The following CSMD1 variants were observed in gnomAD, a reference collection of about 807,000 sequenced individuals.
The protein encoded by CSMD1 is CUB and sushi domain-containing protein 1.
Under a neutral mutation model 417.5 loss-of-function variants are expected in CSMD1, and 213 were observed. The observed-to-expected ratio is 0.51, with a 90% CI of 0.46 to 0.57. The LOEUF (loss-of-function observed/expected upper bound fraction) is 0.57. CSMD1 is among the 20% of genes least tolerant of loss of function. The pLI, the probability that CSMD1 is intolerant of heterozygous loss-of-function variation, is 0.00. For missense variants in CSMD1, 6,923 were observed against 4,529.7 expected, an observed-to-expected ratio of 1.53 and a Z score of -15.17; for synonymous variants, 2,862 against 1,736.8, an observed-to-expected ratio of 1.65 and a Z score of -16.11.
chr8:4,166,779 C>T lies in CSMD1; in HGVS notation c.416-134680G>A, dbSNP rs137989462. 1.3e-3 allele frequency among the ~76,000 whole-genome samples: 200 copies of T among 152,258 alleles called. 2 individuals carry two copies. The highest frequency in any genetic ancestry group is 3.4e-3 in the Middle Eastern group (1 of 294). Reference sequence around the variant, plus strand: ...AGCATAAAAAAAGCAAAATGTAGCCCTACCAAAATGATCAGGGTGTGTTTA... The same window carrying T: ...AGCATAAAAAAAGCAAAATGTAGCCTTACCAAAATGATCAGGGTGTGTTTA... On this transcript the variant is annotated intron_variant, in intron 3 of 69. Transcript: ENST00000635120.
At chr8:3,719,490 C>T (rs1179980713) in intron 6 of CSMD1, among the ~76,000 whole-genome samples, 1 of 152,190 alleles carries the variant, frequency 6.6e-6, no homozygotes, top group South Asian at 2.1e-4. Flanking sequence ...GAACAAAGTT[C>T]CCATTTTCCC....
chr8:4,738,409 A>T (rs6992062), intron 1 of CSMD1, among the ~76,000 whole-genome samples: 4,564 of 152,248 alleles, frequency 0.03, 163 homozygotes, highest in African/African-American at 0.079. Flanking sequence ...TGGCAGAAGG[A>T]GAAGGGCTGA....
intron 2 of CSMD1, among the ~76,000 whole-genome samples, chr8:4,425,402 G>C (rs1365303598): frequency 1.3e-5 from 2 of 149,484 alleles, no homozygotes; most frequent in African/African-American, 2.5e-5. Context: ...AAAAAATAGA[G>C]TCCAACATTA....
At chr8:3,433,363 A>G (rs1437351909) in intron 12 of CSMD1, among the ~76,000 whole-genome samples, 2 of 152,196 alleles carry the variant, frequency 1.3e-5, no homozygotes, top group Non-Finnish European at 2.9e-5. Context: ...TTTCAATGAG[A>G]ATCCCTTCTG....
At chr8:4,397,881 T>A (rs771916826) in intron 3 of CSMD1, among the ~76,000 whole-genome samples, 1 of 152,158 alleles carries the variant, frequency 6.6e-6, no homozygotes, top group Non-Finnish European at 1.5e-5. Context: ...TTTCTTCCAA[T>A]GTTCTAATGG....
intron 8 of CSMD1, among the ~76,000 whole-genome samples, chr8:3,597,594 C>G (rs1801154788): frequency 6.6e-6 from 1 of 152,158 alleles, no homozygotes; most frequent in African/African-American, 2.4e-5. Context: ...TCTTACAACT[C>G]TGAACACAGT....
intron 3 of CSMD1, among the ~76,000 whole-genome samples, chr8:4,164,291 A>T (rs1797331601): frequency 6.6e-6 from 1 of 152,180 alleles, no homozygotes; most frequent in Non-Finnish European, 1.5e-5. Flanking sequence ...AATGGATACA[A>T]ATGATAAATA....
intron 2 of CSMD1, among the ~76,000 whole-genome samples, chr8:4,442,709 T>G (rs574559946): frequency 6.6e-6 from 1 of 152,172 alleles, no homozygotes. Context: ...TTCCCCGAAA[T>G]GTGTATTTGT....
chr8:4,111,962 TTACA>T (rs1801879920), intron 3 of CSMD1, among the ~76,000 whole-genome samples: 1 of 151,694 alleles, frequency 6.6e-6, no homozygotes, highest in Non-Finnish European at 1.5e-5. Flanking sequence ...CTCTGTAATT[TTACA>T]TACATAGTTT....
At chr8:3,400,024 G>A (rs985648703) in intron 15 of CSMD1, among the ~76,000 whole-genome samples, 2 of 152,142 alleles carry the variant, frequency 1.3e-5, no homozygotes, top group Admixed American at 1.3e-4. Context: ...TTATTTGTGA[G>A]TGTGAAACAA....
chr8:4,527,669 CAG>C lies in CSMD1; in HGVS notation c.303-107606_303-107605del, dbSNP rs1349406266. Among the ~76,000 whole-genome samples the C allele has an allele frequency of 2.0e-5, 3 of 152,256 alleles. No individual in the cohort carries two copies. In the East Asian group the frequency reaches 5.8e-4, roughly 29 times the overall value. On this transcript the variant is annotated intron_variant, in intron 2 of 69. Transcript: ENST00000635120. ...AAATTTGAATACTGAAAGTACATAG[CAG>C]AGAGTGGAACTTTATACAGTACATT...
chr8:4,354,865 AGTGTGTGTGT>A (rs59255397), intron 3 of CSMD1, among the ~76,000 whole-genome samples: 1,532 of 129,492 alleles, frequency 0.012, 12 homozygotes, highest in Middle Eastern at 0.033. Flanking sequence ...AGGAAAATGT[AGTGTGTGTGT>A]GTGTGTGTGT....
Position 3,181,204 on chromosome 8 carries a change from T to C in CSMD1, c.5631A>G (p.Val1877=), listed in dbSNP as rs1220296498. The change falls in exon 37 of 70, where the codon GTA becomes GTG. Residue 1877 remains valine, a synonymous_variant. Coordinates refer to ENST00000635120, the MANE Select transcript of CSMD1 (RefSeq NM_033225.6). ...PRLGSFSGTT[V]PALLNSTSNQ... ...TGGAAGTACTGTTCAGCAGTGCCGG[T>C]ACTGTGGTGCCTGTAAGAAACAATG... is the stretch of plus-strand genomic sequence containing the variant. The C allele has an allele frequency of 1.2e-6, 2 of 1,612,634 alleles. No individual in the cohort carries two copies. The highest frequency in any genetic ancestry group is 2.2e-5 in the East Asian group (1 of 44,868).
At position 4,320,359 on chromosome 8, in the gene CSMD1, T is replaced by C. The variant is rs11986827; in HGVS notation, c.415+99594A>G. ...CCACAAGTCATCACACAAATAAACC[T>C]TTTTTATTATTATTATACTTTAAGT... On this transcript the variant is annotated intron_variant, in intron 3 of 69. Coordinates refer to ENST00000635120, the MANE Select transcript of CSMD1 (RefSeq NM_033225.6). Among the ~76,000 whole-genome samples, 621 of 151,810 alleles carry C rather than the reference T, an allele frequency of 4.1e-3. 5 individuals carry two copies. The highest frequency in any genetic ancestry group is 0.014 in the African/African-American group (569 of 41,520).
chr8:2,958,567 T>A (rs563369983), intron 62 of CSMD1, among the ~76,000 whole-genome samples: 1 of 152,210 alleles, frequency 6.6e-6, no homozygotes, highest in Non-Finnish European at 1.5e-5. Flanking sequence ...GAATGAGCTA[T>A]GGTCGTGTGT....
intron 25 of CSMD1, among the ~76,000 whole-genome samples, chr8:3,297,136 A>G (rs947855869): frequency 1.3e-5 from 2 of 152,190 alleles, no homozygotes; most frequent in African/African-American, 4.8e-5. Flanking sequence ...CAGGACTTTC[A>G]CCCAGAAAAC....
chr8:3,774,008 C>T (rs1798762934), intron 5 of CSMD1, among the ~76,000 whole-genome samples: 1 of 152,162 alleles, frequency 6.6e-6, no homozygotes, highest in Non-Finnish European at 1.5e-5. Context: ...TTTACTTACA[C>T]AGTTGCTGCG....
At chr8:3,031,972 G>C (rs1319407659) in intron 50 of CSMD1, among the ~76,000 whole-genome samples, 1 of 128,570 alleles carries the variant, frequency 7.8e-6, no homozygotes, top group South Asian at 2.4e-4. Context: ...GTGTATGTGT[G>C]TGTATATATA....
chr8:3,927,287 A>C (rs142011753), intron 5 of CSMD1, among the ~76,000 whole-genome samples: 1 of 152,022 alleles, frequency 6.6e-6, no homozygotes, highest in African/African-American at 2.4e-5. Flanking sequence ...ATAATTATTA[A>C]GGTGCCAGAC....
Sources: allele counts gnomAD v4.1 joint callset (sites outside exome capture counted in the v4.1 genomes callset), GRCh38; gene constraint gnomAD v4.1.1; transcripts MANE v1.5; gene names NCBI Gene and HGNC (gene_info 2026-07-23, HGNC 2026-07-21).